The following PYHIN1 variants were observed in gnomAD, a reference collection of about 807,000 sequenced individuals.
PYHIN1 encodes the protein pyrin and HIN domain family member 1.
Under a neutral mutation model 43.7 loss-of-function variants are expected in PYHIN1, and 32 were observed. The observed-to-expected ratio is 0.73, with a 90% confidence interval of 0.55 to 0.98. The LOEUF is 0.98. PYHIN1 is among the 50% of genes least tolerant of loss of function. The pLI, the probability that PYHIN1 is intolerant of heterozygous loss-of-function variation, is 0.00. For synonymous variants in PYHIN1, 205 were observed against 203.1 expected (o/e 1.01, Z -0.08); for missense variants, 588 against 589.5 (o/e 1.00, Z 0.03).
chr1:158,941,852 TG>T, intron 4 of PYHIN1, 124 bp from the exon 5 acceptor site: 1 of 796,272 alleles, frequency 1.3e-6, no homozygotes, highest in Non-Finnish European at 1.9e-6. Flanking sequence ...CCCTGTATCC[TG>T]GCCCCAGCTC....
intron 6 of PYHIN1, 87 bp from the exon 7 acceptor site, chr1:158,944,788 A>T: frequency 9.8e-7 from 1 of 1,022,040 alleles, no homozygotes; most frequent in Non-Finnish European, 1.3e-6. Flanking sequence ...ATTAGAATTT[A>T]ATAAAGGATG....
intron 1 of PYHIN1, among the ~76,000 whole-genome samples, chr1:158,934,393 G>A (rs1557820232): frequency 6.6e-6 from 1 of 152,038 alleles, no homozygotes; most frequent in Non-Finnish European, 1.5e-5. Flanking sequence ...ATTTATATGG[G>A]ACTTTGGGCC....
rs1317900917 is a variant in PYHIN1, at chr1:158,933,694, T to A, written c.-21+1918T>A. ...TAACACTTCTATATTCTCCTACTTG[T>A]CTGTTTTTAAAACTTATATTTCCAT... On this transcript the variant is annotated intron_variant, in intron 1 of 8. Transcript: ENST00000368140. This position sits in a 1 kb window ranked among gnomAD's most constrained non-coding sequence, Gnocchi z 6.3. Among the ~76,000 whole-genome samples, 1 of 152,076 alleles carries A rather than the reference T, an allele frequency of 6.6e-6. No homozygotes were observed. The highest frequency in any genetic ancestry group is 1.5e-5 in the Non-Finnish European group (1 of 67,954).
chr1:158,935,925 T>C (rs969591078), intron 1 of PYHIN1, among the ~76,000 whole-genome samples: 3 of 152,112 alleles, frequency 2.0e-5, no homozygotes, highest in Admixed American at 6.5e-5. Context: ...CTGGACCCAA[T>C]TCAACTATCC....
At chr1:158,990,293 G>T in the PYHIN1 span, among the ~76,000 whole-genome samples, 1 of 152,072 alleles carries the variant, frequency 6.6e-6, no homozygotes, top group African/African-American at 2.4e-5. Flanking sequence ...ACTGTCTAGG[G>T]GTAGAATGAG....
At chr1:158,949,603 A>G (rs1649421328) in intron 7 of PYHIN1, among the ~76,000 whole-genome samples, 1 of 133,680 alleles carries the variant, frequency 7.5e-6, no homozygotes, top group South Asian at 2.3e-4. Context: ...TCATTGTTCA[A>G]TTCCCACCTA....
chr1:158,955,755 A>G (rs1191061209), intron 7 of PYHIN1, among the ~76,000 whole-genome samples: 1 of 95,348 alleles, frequency 1.0e-5, no homozygotes, highest in Non-Finnish European at 2.2e-5. Flanking sequence ...CTAAAATCAG[A>G]GCAGAACTGA....
intron 7 of PYHIN1, among the ~76,000 whole-genome samples, chr1:158,965,558 G>A (rs779028042): frequency 1.3e-5 from 2 of 152,070 alleles, no homozygotes; most frequent in African/African-American, 2.4e-5. Flanking sequence ...TCAGAACACA[G>A]TGCATAAAAG....
At chr1:158,944,102 A>G in intron 6 of PYHIN1, 124 bp downstream of exon 6, 1 of 598,114 alleles carries the variant, frequency 1.7e-6, no homozygotes, top group Non-Finnish European at 2.8e-6. Context: ...AAACCAAATA[A>G]TGCCCTTGCG....
chr1:158,990,672 CT>C, the PYHIN1 span, among the ~76,000 whole-genome samples: 1 of 152,144 alleles, frequency 6.6e-6, no homozygotes, highest in Admixed American at 6.5e-5. Context: ...CCATTTCTCC[CT>C]CCCCTACAAC....
chr1:158,954,196 A>C (rs1649773670), intron 7 of PYHIN1, among the ~76,000 whole-genome samples: 1 of 27,668 alleles, frequency 3.6e-5, no homozygotes, highest in Non-Finnish European at 7.9e-5. Flanking sequence ...TATCCAGGAG[A>C]ACTTCCCCAA....
chr1:158,952,991 T>C (rs925914227), intron 7 of PYHIN1, among the ~76,000 whole-genome samples: 3 of 152,062 alleles, frequency 2.0e-5, no homozygotes, highest in African/African-American at 4.8e-5. Context: ...AAAGGGGTGA[T>C]CGACGCACCT....
At chr1:158,936,494 C>T (rs999776833) in intron 1 of PYHIN1, among the ~76,000 whole-genome samples, 1 of 152,012 alleles carries the variant, frequency 6.6e-6, no homozygotes, top group East Asian at 1.9e-4. Context: ...AAAGCTTATC[C>T]ACCATGATCA....
At chr1:158,952,904 G>C (rs1435264643) in intron 7 of PYHIN1, among the ~76,000 whole-genome samples, 1 of 152,222 alleles carries the variant, frequency 6.6e-6, no homozygotes, top group Non-Finnish European at 1.5e-5. Context: ...CACGCACCAT[G>C]CGCGAGCCGA....
intron 7 of PYHIN1, among the ~76,000 whole-genome samples, chr1:158,953,781 C>T (rs1649740630): frequency 6.6e-6 from 1 of 152,108 alleles, no homozygotes; most frequent in African/African-American, 2.4e-5. Context: ...GAAAAGAAGG[C>T]TTCAGATGAT....
intron 7 of PYHIN1, chr1:158,945,351 T>C (rs856084): frequency 4.6e-5 from 10 of 215,568 alleles, no homozygotes; most frequent in Non-Finnish European, 8.2e-5. Context: ...ATGACCCACA[T>C]TCCAATTTCT....
the PYHIN1 span, among the ~76,000 whole-genome samples, chr1:158,989,031 G>A: frequency 3.9e-5 from 6 of 152,238 alleles, no homozygotes; most frequent in African/African-American, 1.4e-4. Context: ...TTCTCCACTG[G>A]TTTTTGGACT....
intron 7 of PYHIN1, among the ~76,000 whole-genome samples, chr1:158,964,770 A>G (rs772942936): frequency 2.0e-5 from 3 of 152,216 alleles, no homozygotes; most frequent in African/African-American, 7.2e-5. Flanking sequence ...ACATTACCAG[A>G]CACTACAGAA....
intron 7 of PYHIN1, among the ~76,000 whole-genome samples, chr1:158,965,993 TA>T (rs946092310): frequency 2.7e-5 from 4 of 150,638 alleles, no homozygotes; most frequent in African/African-American, 9.7e-5. Flanking sequence ...CTAGATAGAC[TA>T]AAAAAAGAGA....
Sources: allele counts gnomAD v4.1 joint callset (sites outside exome capture counted in the v4.1 genomes callset), GRCh38; gene constraint gnomAD v4.1.1; non-coding constraint Gnocchi (gnomAD v3.1); transcripts MANE v1.5; gene names NCBI Gene and HGNC (gene_info 2026-07-23, HGNC 2026-07-21).